The following CDC23 variants were observed in gnomAD, a reference collection of about 807,000 sequenced individuals.
The protein encoded by CDC23 is cell division cycle protein 23 homolog.
CDC23 carries 26 observed loss-of-function variants against 81.7 expected under a neutral mutation model. That is an observed-to-expected ratio of 0.32 (90% CI 0.23 to 0.44). The LOEUF (loss-of-function observed/expected upper bound fraction) is 0.44, where lower values mean the gene tolerates loss of function less well. CDC23 is among the 20% of genes least tolerant of loss of function. The pLI is 1.00. For missense variants in CDC23, 519 were observed against 728.0 expected, an observed-to-expected ratio of 0.71 and a Z score of 3.30; for synonymous variants, 267 against 270.8, an observed-to-expected ratio of 0.99 and a Z score of 0.14.
intron 1 of CDC23, 40 bp downstream of exon 1, chr5:138,213,112 A>G: frequency 1.2e-6 from 2 of 1,614,022 alleles, no homozygotes; most frequent in South Asian, 2.2e-5. Context: ...CCCCAAGGCC[A>G]AGGATCCAAG....
intron 9 of CDC23, among the ~76,000 whole-genome samples, chr5:138,193,987 G>A (rs1383525658): frequency 6.6e-6 from 1 of 151,244 alleles, no homozygotes; most frequent in African/African-American, 2.4e-5. Flanking sequence ...AGCGCTCTAA[G>A]TTTCCGTCTC....
chr5:138,192,930 CTT>C (rs1754842722), intron 9 of CDC23, among the ~76,000 whole-genome samples: 1 of 152,054 alleles, frequency 6.6e-6, no homozygotes, highest in Non-Finnish European at 1.5e-5. Context: ...TACACAGTCT[CTT>C]TCTTTCTTTT....
chr5:138,191,831 C>T (rs1223746192), intron 12 of CDC23, 31 bp downstream of exon 12: 2 of 1,564,468 alleles, frequency 1.3e-6, no homozygotes, highest in Non-Finnish European at 1.8e-6. Flanking sequence ...CAGATTTCCA[C>T]TCAAATTCTT....
chr5:138,197,388 G>A lies in CDC23; in HGVS notation c.1012+811C>T, dbSNP rs2906125. On this transcript the variant is annotated intron_variant, in intron 9 of 15. Coordinates refer to ENST00000394886, the MANE Select transcript of CDC23 (RefSeq NM_004661.4). ...TTTAAATGTACTAACATGAAAAGAT[G>A]GCAAAGATATATCATTAAGTTAAAA... Among the ~76,000 whole-genome samples the A allele has an allele frequency of 4.1e-3, 618 of 149,764 alleles. 5 individuals carry two copies. Among genetic ancestry groups the A allele is most frequent in the Non-Finnish European group, 6.7e-3 (455 of 67,786 alleles).
chr5:138,198,751 A>C lies in CDC23; in HGVS notation c.686T>G (p.Met229Arg). Residue 229 changes from methionine to arginine, a missense_variant, in exon 7 of 16, where the codon ATG becomes AGG. Coordinates refer to ENST00000394886, the MANE Select transcript of CDC23 (RefSeq NM_004661.4). ...TATATGAGCCAGAAAAAACTCTTTC[A>C]TCCAGGTGTCTGGCAAAGACAGGAA... ...LKFLSLPDTW[M>R]KEFFLAHIYT... The C allele has an allele frequency of 6.2e-7, 1 of 1,614,112 alleles. No individual in the cohort carries two copies. The highest frequency in any genetic ancestry group is 8.5e-7 in the Non-Finnish European group (1 of 1,180,012).
rs1331564838 is a variant in CDC23 at position 138,213,219 on chromosome 5, T to C, written c.94A>G (p.Ile32Val). The C allele has an allele frequency of 1.2e-6, 2 of 1,614,182 alleles. No individual in the cohort carries two copies. Among genetic ancestry groups the C allele is most frequent in the Admixed American group, 1.7e-5 (1 of 60,010 alleles). ...GCAATAAGCAGCAGTTGCTTTTTAA[T>C]TTCCCGCAAATCTGAGAAATCGCTG... ...INSDFSDLRE[I>V]KKQLLLIAGL... The change falls in exon 1 of 16, where the codon ATT becomes GTT. Residue 32 changes from isoleucine (I) to valine (V), a missense_variant. Ile to Val is a conservative substitution (Grantham distance 29, BLOSUM62 3). This residue lies in a region of CDC23 where 126 missense variants were observed against 116.2 expected (regional missense o/e 1.08). Transcript: ENST00000394886.
intron 9 of CDC23, among the ~76,000 whole-genome samples, chr5:138,196,890 CTTTT>C (rs34002952): frequency 4.4e-5 from 5 of 113,424 alleles, no homozygotes; most frequent in Admixed American, 9.3e-5. Flanking sequence ...TTTTTTTTTC[CTTTT>C]TTTTTTTTTT....
In CDC23 at chr5:138,203,469, G is replaced by A. The variant is rs17234793; in HGVS notation, c.373-1314C>T. Among the ~76,000 whole-genome samples, 536 of 152,100 alleles carry A rather than the reference G, an allele frequency of 3.5e-3. 2 individuals carry two copies. Among genetic ancestry groups the A allele is most frequent in the African/African-American group, 0.012 (506 of 41,490 alleles). On this transcript the variant is annotated intron_variant, in intron 3 of 15. Transcript: ENST00000394886. ...AGAAAGAAAGAAAAAGAAACAGGGA[G>A]GGAAGATTTATAAATTTCAAAAAAA...
rs577681901 is a variant in CDC23 at position 138,197,480 on chromosome 5, A to G, written c.1012+719T>C. On this transcript the variant is annotated intron_variant, in intron 9 of 15. Coordinates refer to ENST00000394886, the MANE Select transcript of CDC23 (RefSeq NM_004661.4). ...GGCAAGCAAACAATATAGACGTAAC[A>G]TGTAATACATATTTATTTTTTTTTT... Among the ~76,000 whole-genome samples, 11 of 151,190 alleles carry G rather than the reference A, an allele frequency of 7.3e-5. No individual in the cohort carries two copies. In the East Asian group the frequency reaches 2.1e-3, roughly 29 times the overall value.
Position 138,192,562 on chromosome 5 carries a change from G to A in CDC23, c.1108C>T (p.Leu370=). Residue 370 remains leucine (L), a synonymous_variant, in exon 10 of 16, where the codon CTA becomes TTA. Transcript: ENST00000394886. ...ATCTCCATGTACTCATGTCCCATTA[G>A]TGTCCAGGCACCAAGATACCGAGGA... is the stretch of plus-strand genomic sequence containing the variant. ...LNPRYLGAWT[L]MGHEYMEMKN... is the part of the protein sequence containing the mutation. 1 of 1,614,172 alleles carries A rather than the reference G, an allele frequency of 6.2e-7. No homozygotes were observed. The highest frequency in any genetic ancestry group is 8.5e-7 in the Non-Finnish European group (1 of 1,180,016).
intron 3 of CDC23, among the ~76,000 whole-genome samples, chr5:138,204,776 C>T (rs1210881596): frequency 2.6e-5 from 4 of 151,984 alleles, no homozygotes; most frequent in Admixed American, 1.3e-4. Context: ...CTCGCCACTG[C>T]GCCCAGCTAA....
chr5:138,195,745 A>G (rs1352931822), intron 9 of CDC23, among the ~76,000 whole-genome samples: 1 of 118,960 alleles, frequency 8.4e-6, no homozygotes, highest in Non-Finnish European at 1.7e-5. Context: ...TATAATATAT[A>G]TGTATATATA....
At chr5:138,202,457 T>G (rs1021187647) in intron 3 of CDC23, among the ~76,000 whole-genome samples, 8 of 152,204 alleles carry the variant, frequency 5.3e-5, no homozygotes, top group Admixed American at 1.3e-4. Context: ...CTAATTTTTG[T>G]ATTTTTAGTT....
At position 138,198,737 on chromosome 5, in the gene CDC23, G is replaced by GA; in HGVS notation, c.699dup (p.Leu234SerfsTer23). 1 of 1,614,026 alleles carries GA rather than the reference G, an allele frequency of 6.2e-7. No homozygotes were observed. The highest frequency in any genetic ancestry group is 8.5e-7 in the Non-Finnish European group (1 of 1,179,996). ...TGCAACTCTGTGTATATATGAGCCA[G>GA]AAAAAACTCTTTCATCCAGGTGTCT... On this transcript the variant is annotated frameshift_variant, in exon 7 of 16. Coordinates refer to ENST00000394886, the MANE Select transcript of CDC23 (RefSeq NM_004661.4). LOFTEE classifies it high-confidence loss of function.
At chr5:138,201,483 G>A in intron 4 of CDC23, 35 bp from the exon 5 acceptor site, 3 of 1,361,138 alleles carry the variant, frequency 2.2e-6, no homozygotes, top group Non-Finnish European at 3.1e-6. Flanking sequence ...TCTAAGGTTA[G>A]GATGCTGGTT....
Position 138,213,255 on chromosome 5 carries a change from G to T in CDC23, c.58C>A (p.Leu20Met). The T allele has an allele frequency of 6.2e-7, 1 of 1,614,090 alleles. No individual in the cohort carries two copies. The highest frequency in any genetic ancestry group is 8.5e-7 in the Non-Finnish European group (1 of 1,180,038). ...VAVTAAVAPV[L>M]SINSDFSDLR... ...TCTGAGAAATCGCTGTTTATGGACA[G>T]GACAGGCGCCACTGCCGCCGTCACA... The change falls in exon 1 of 16, where the codon CTG becomes ATG. Residue 20 changes from leucine to methionine, a missense_variant. Leu to Met is a conservative substitution (Grantham distance 15). This residue lies in a region of CDC23 where 126 missense variants were observed against 116.2 expected (regional missense o/e 1.08). Coordinates refer to ENST00000394886, the MANE Select transcript of CDC23 (RefSeq NM_004661.4).
intron 8 of CDC23, 43 bp from the exon 9 acceptor site, chr5:138,198,323 TC>T (rs759878459): frequency 4.3e-5 from 69 of 1,590,358 alleles, no homozygotes; most frequent in Non-Finnish European, 5.7e-5. Flanking sequence ...AAAAAAGAAC[TC>T]CCTAAATTAT....
chr5:138,191,608 C>T (rs1201410949), intron 12 of CDC23, 73 bp from the exon 13 acceptor site: 8 of 1,378,432 alleles, frequency 5.8e-6, no homozygotes, highest in Non-Finnish European at 8.3e-6. Flanking sequence ...AAGGTTAAGA[C>T]CCTGCAAGCC....
chr5:138,195,257 A>G (rs17228470), intron 9 of CDC23, among the ~76,000 whole-genome samples: 1 of 151,468 alleles, frequency 6.6e-6, no homozygotes, highest in Non-Finnish European at 1.5e-5. Context: ...AGTAACTTAA[A>G]GGGGGAAAGG....
Sources: allele counts gnomAD v4.1 joint callset (sites outside exome capture counted in the v4.1 genomes callset), GRCh38; gene constraint gnomAD v4.1.1; regional missense constraint gnomAD v4.1.1; transcripts MANE v1.5; gene names NCBI Gene and HGNC (gene_info 2026-07-23, HGNC 2026-07-21).